Variants in LRRIQ3 observed in about 807,000 individuals in gnomAD.
LRRIQ3 encodes leucine rich repeats and IQ motif containing 3.
A neutral mutation model predicts 59.3 loss-of-function variants in LRRIQ3; 75 were observed. The observed-to-expected ratio is 1.26, with a 90% CI of 1.05 to 1.53. The LOEUF (loss-of-function observed/expected upper bound fraction) is 1.53. Among genes scored for constraint, LRRIQ3 ranks in the 40% most tolerant of loss-of-function variants. The pLI is 0.00. For missense variants in LRRIQ3, 831 were observed against 710.0 expected, an observed-to-expected ratio of 1.17 and a Z score of -1.94; for synonymous variants, 250 against 231.3, an observed-to-expected ratio of 1.08 and a Z score of -0.73.
chr1:74,063,777 C>A (rs1421140885), intron 6 of LRRIQ3, among the ~76,000 whole-genome samples: 1 of 151,838 alleles, frequency 6.6e-6, no homozygotes, highest in Non-Finnish European at 1.5e-5. Flanking sequence ...TTACATGAAA[C>A]TTTAAATCTA....
chr1:74,101,386 C>G (rs35897655), intron 5 of LRRIQ3, among the ~76,000 whole-genome samples: 6 of 151,910 alleles, frequency 3.9e-5, no homozygotes, highest in Admixed American at 2.0e-4. Context: ...TTAGAATGGC[C>G]ATCATTAAAA....
chr1:74,041,871 A>G lies in LRRIQ3; in HGVS notation c.1060T>C (p.Phe354Leu), dbSNP rs767951280. 3 of 1,611,852 alleles carry G rather than the reference A, an allele frequency of 1.9e-6. No individual in the cohort carries two copies. The Admixed American group carries it at 5.0e-5, about 27-fold the overall frequency. ...KLDTSFRISV[F>L]KLPIYTSGSL... ...CCTGAAGTGTATATGGGTAGTTTGA[A>G]AACTGATATCCTAAAACTGGTATCC... The change falls in exon 7 of 8, where the codon TTC becomes CTC. Residue 354 changes from phenylalanine (F) to leucine (L), a missense_variant. Transcript: ENST00000354431.
chr1:74,080,118 C>A (rs1234693480), intron 5 of LRRIQ3, among the ~76,000 whole-genome samples: 1 of 151,552 alleles, frequency 6.6e-6, no homozygotes, highest in Non-Finnish European at 1.5e-5. Flanking sequence ...ATAATTATAT[C>A]TTTAGTCAGA....
intron 5 of LRRIQ3, among the ~76,000 whole-genome samples, chr1:74,104,471 C>A (rs1646580474): frequency 6.6e-6 from 1 of 151,922 alleles, no homozygotes; most frequent in Admixed American, 6.6e-5. Flanking sequence ...ATCTTTCATA[C>A]AATGGAATAT....
At chr1:74,189,301 A>C (rs1482283899) in intron 1 of LRRIQ3, among the ~76,000 whole-genome samples, 1 of 152,166 alleles carries the variant, frequency 6.6e-6, no homozygotes, top group Non-Finnish European at 1.5e-5. Context: ...GTTCAACTGA[A>C]GCGTCTCCTC....
chr1:74,150,761 T>C (rs1458941387), intron 4 of LRRIQ3, among the ~76,000 whole-genome samples: 1 of 152,120 alleles, frequency 6.6e-6, no homozygotes, highest in Non-Finnish European at 1.5e-5. Context: ...ACCTGATTCT[T>C]TTATCTATTT....
chr1:74,086,807 A>G (rs1224575721), intron 5 of LRRIQ3, among the ~76,000 whole-genome samples: 1 of 152,072 alleles, frequency 6.6e-6, no homozygotes, highest in Non-Finnish European at 1.5e-5. Flanking sequence ...AGAATGGTGA[A>G]CAGACAACAA....
At chr1:74,069,278 G>A (rs1044031842) in intron 6 of LRRIQ3, among the ~76,000 whole-genome samples, 1 of 151,862 alleles carries the variant, frequency 6.6e-6, no homozygotes, top group African/African-American at 2.4e-5. Flanking sequence ...TATTATAAAG[G>A]GTTAAAAATC....
intron 4 of LRRIQ3, among the ~76,000 whole-genome samples, chr1:74,133,614 G>A (rs946385071): frequency 7.5e-5 from 11 of 146,876 alleles, no homozygotes; most frequent in Non-Finnish European, 1.3e-4. Flanking sequence ...TTGCAAGGAC[G>A]AAAAACCAAA....
intron 6 of LRRIQ3, among the ~76,000 whole-genome samples, chr1:74,043,714 A>G (rs1654116583): frequency 6.6e-6 from 1 of 152,120 alleles, no homozygotes; most frequent in South Asian, 2.1e-4. Flanking sequence ...TCACTGCTAT[A>G]TTTATCTTTC....
chr1:74,141,138 C>T (rs1203316645), intron 4 of LRRIQ3, among the ~76,000 whole-genome samples: 1 of 151,778 alleles, frequency 6.6e-6, no homozygotes, highest in East Asian at 1.9e-4. Context: ...TTTTTACATT[C>T]TCAACACCTA....
At chr1:74,124,594 C>T (rs1039711732) in intron 4 of LRRIQ3, among the ~76,000 whole-genome samples, 1 of 151,900 alleles carries the variant, frequency 6.6e-6, no homozygotes, top group Non-Finnish European at 1.5e-5. Flanking sequence ...CCAATTTTCC[C>T]AACACCACTT....
chr1:74,161,670 C>G (rs756904676), intron 3 of LRRIQ3, among the ~76,000 whole-genome samples: 16 of 151,832 alleles, frequency 1.1e-4, no homozygotes, highest in Non-Finnish European at 2.1e-4. Context: ...ACATTAAGCT[C>G]ATATTGCAGT....
Position 74,159,690 on chromosome 1 carries a change from A to G in LRRIQ3, c.574-3824T>C, listed in dbSNP as rs914053061. On this transcript the variant is annotated intron_variant, in intron 3 of 7. Coordinates refer to ENST00000354431, the MANE Select transcript of LRRIQ3 (RefSeq NM_001105659.2). Reference sequence around the variant, plus strand: ...ATATCTTACTGCCTCACATACCTAGATTATCCACATAGCTGTAATCTCCTG... The same window carrying G: ...ATATCTTACTGCCTCACATACCTAGGTTATCCACATAGCTGTAATCTCCTG... Among the ~76,000 whole-genome samples the G allele has an allele frequency of 2.0e-5, 3 of 152,060 alleles. No homozygotes were observed. The East Asian group carries it at 5.8e-4, about 29-fold the overall frequency.
chr1:74,173,511 T>G (rs978288692), intron 3 of LRRIQ3, among the ~76,000 whole-genome samples: 7 of 152,032 alleles, frequency 4.6e-5, no homozygotes, highest in Non-Finnish European at 1.0e-4. Context: ...CTTTTGTGTA[T>G]CTACCATAGG....
chr1:74,127,664 T>C (rs1326841855), intron 4 of LRRIQ3, among the ~76,000 whole-genome samples: 1 of 151,950 alleles, frequency 6.6e-6, no homozygotes. Flanking sequence ...TACATCTTAG[T>C]ATGCTGTCTA....
At chr1:74,189,135 C>T (rs760407680) in intron 1 of LRRIQ3, among the ~76,000 whole-genome samples, 1 of 152,114 alleles carries the variant, frequency 6.6e-6, no homozygotes, top group African/African-American at 2.4e-5. Context: ...ATGAACCAGT[C>T]TTTCTTTCCA....
In LRRIQ3 at chr1:74,198,164, C is replaced by G; in HGVS notation, c.-169G>C. On this transcript the variant is annotated 5_prime_UTR_variant, in exon 1 of 8. Transcript: ENST00000354431. ...TTTCCGGGCGCCAGCCAAGGCGCTC[C>G]GGGGGCGTGGTTACGTGGGCGACGC... The G allele has an allele frequency of 6.6e-7, 1 of 1,518,290 alleles. No individual in the cohort carries two copies. Among genetic ancestry groups the G allele is most frequent in the Non-Finnish European group, 8.8e-7 (1 of 1,135,506 alleles). 94.1% of individuals were successfully genotyped at this position (1,518,290 alleles called of 1,614,324 possible). A position where few individuals can be genotyped will look rare whatever the true frequency, so the allele number is the denominator to read the frequency against.
At chr1:74,139,323 C>A (rs946426419) in intron 4 of LRRIQ3, among the ~76,000 whole-genome samples, 2 of 151,134 alleles carry the variant, frequency 1.3e-5, no homozygotes, top group African/African-American at 4.9e-5. Context: ...AAGGAAAAAG[C>A]GAGAAGCTAG....
Sources: allele counts gnomAD v4.1 joint callset (sites outside exome capture counted in the v4.1 genomes callset), GRCh38; gene constraint gnomAD v4.1.1; transcripts MANE v1.5; gene names NCBI Gene and HGNC (gene_info 2026-07-23, HGNC 2026-07-21).